The following LUC7L2 variants were observed in gnomAD, a reference collection of about 807,000 sequenced individuals.
LUC7L2 encodes the protein putative RNA-binding protein Luc7-like 2.
In LUC7L2, 25 loss-of-function variants were observed where a neutral mutation model predicts 52.8. The observed-to-expected ratio is 0.47, with a 90% CI of 0.34 to 0.66. The LOEUF (loss-of-function observed/expected upper bound fraction) is 0.66. Ranked by LOEUF, LUC7L2 falls within the 30% of genes least tolerant of loss-of-function variation. LUC7L2 has a pLI of 0.01. For synonymous variants in LUC7L2, 144 were observed against 160.9 expected, an observed-to-expected ratio of 0.89 and a Z score of 0.80; for missense variants, 328 against 497.8, an observed-to-expected ratio of 0.66 and a Z score of 3.25.
chr7:139,400,513 C>G (rs530129179), intron 3 of LUC7L2, among the ~76,000 whole-genome samples: 3 of 152,166 alleles, frequency 2.0e-5, no homozygotes, highest in South Asian at 4.2e-4. Context: ...TCTCAAAACA[C>G]AAACAGAGAA....
At chr7:139,400,857 G>A (rs1489465712) in intron 3 of LUC7L2, among the ~76,000 whole-genome samples, 1 of 152,162 alleles carries the variant, frequency 6.6e-6, no homozygotes, top group African/African-American at 2.4e-5. Flanking sequence ...CTATTTTTAT[G>A]TTATCACAGA....
intron 1 of LUC7L2, among the ~76,000 whole-genome samples, chr7:139,366,490 T>TC (rs11462372): frequency 0.38 from 58,392 of 151,948 alleles, 15,680 homozygotes; most frequent in African/African-American, 0.77. Context: ...ACTTTAATAG[T>TC]TTAATAGTTA....
intron 4 of LUC7L2, among the ~76,000 whole-genome samples, chr7:139,404,361 T>C (rs1795033460): frequency 6.6e-6 from 1 of 152,050 alleles, no homozygotes; most frequent in Admixed American, 6.6e-5. Flanking sequence ...ACTGCAAAAT[T>C]AGCCAGGCAT....
chr7:139,362,988 G>T (rs928023373), intron 1 of LUC7L2, among the ~76,000 whole-genome samples: 3 of 152,146 alleles, frequency 2.0e-5, no homozygotes, highest in African/African-American at 7.2e-5. Context: ...GGTAATTTTG[G>T]ATCACTGGGC....
intron 1 of LUC7L2, 139 bp downstream of exon 1, chr7:139,360,461 G>T (rs1439819239): frequency 1.7e-5 from 12 of 722,638 alleles, no homozygotes; most frequent in Non-Finnish European, 2.7e-5. Context: ...CCCGTCCCCC[G>T]TCCCATCCAA....
chr7:139,393,920 A>C (rs957712488), intron 2 of LUC7L2, among the ~76,000 whole-genome samples: 2 of 152,168 alleles, frequency 1.3e-5, no homozygotes, highest in Non-Finnish European at 2.9e-5. Flanking sequence ...GATATTCCAC[A>C]TACAAAAAAG....
intron 1 of LUC7L2, chr7:139,345,601 A>G: frequency 6.2e-7 from 1 of 1,614,088 alleles, no homozygotes; most frequent in Non-Finnish European, 8.5e-7. Context: ...GTGGCCCTAC[A>G]TCAGGAATTT....
intron 1 of LUC7L2, among the ~76,000 whole-genome samples, chr7:139,365,068 C>T (rs901650449): frequency 3.3e-5 from 5 of 152,160 alleles, no homozygotes; most frequent in African/African-American, 1.2e-4. Context: ...AGTTTCTCTG[C>T]GTTTCAGTTA....
At chr7:139,347,901 A>G (rs1799321491) in intron 1 of LUC7L2, among the ~76,000 whole-genome samples, 1 of 152,020 alleles carries the variant, frequency 6.6e-6, no homozygotes, top group South Asian at 2.1e-4. Flanking sequence ...GGGTTTCACC[A>G]TGTTGGCCAG....
In LUC7L2 at chr7:139,423,173, A is replaced by G. The variant is rs183009949; in HGVS notation, c.*833A>G. ...ATCACCACCACCATTATTAAACTGT[A>G]ACTTGTCTAGTAAATTGTCACTAGA... On this transcript the variant is annotated 3_prime_UTR_variant, in exon 10 of 10. Transcript: ENST00000354926. The G allele has an allele frequency of 3.3e-4, 131 of 399,052 alleles. 1 individual carries two copies. In the East Asian group the frequency reaches 3.7e-3, roughly 11 times the overall value. 24.7% of individuals were successfully genotyped at this position (399,052 alleles called of 1,614,324 possible). A position where few individuals can be genotyped will look rare whatever the true frequency, so the allele number is the denominator to read the frequency against.
chr7:139,366,792 G>A (rs1180250239), intron 1 of LUC7L2, among the ~76,000 whole-genome samples: 2 of 152,072 alleles, frequency 1.3e-5, no homozygotes, highest in Non-Finnish European at 2.9e-5. Flanking sequence ...GCATCACGTC[G>A]TATTGTTAGA....
chr7:139,394,983 C>T (rs1794597853), intron 2 of LUC7L2, among the ~76,000 whole-genome samples: 1 of 152,136 alleles, frequency 6.6e-6, no homozygotes, highest in Non-Finnish European at 1.5e-5. Context: ...GGAATTGGGA[C>T]TGTTTTTTAA....
intron 2 of LUC7L2, among the ~76,000 whole-genome samples, chr7:139,377,645 G>GCCT (rs1800785998): frequency 6.6e-6 from 1 of 152,006 alleles, no homozygotes; most frequent in African/African-American, 2.4e-5. Flanking sequence ...ACCCGCCTTG[G>GCCT]CCTCCCAAAG....
chr7:139,371,301 T>C (rs1308318427), intron 1 of LUC7L2: 5 of 682,010 alleles, frequency 7.3e-6, no homozygotes, highest in Admixed American at 4.6e-5. Flanking sequence ...GAAATAGGAT[T>C]CTGCATACCA....
chr7:139,361,541 A>G (rs1032351673), intron 1 of LUC7L2, among the ~76,000 whole-genome samples: 1 of 152,260 alleles, frequency 6.6e-6, no homozygotes, highest in African/African-American at 2.4e-5. Flanking sequence ...ATAAAAACCC[A>G]TATTGGGAAC....
intron 9 of LUC7L2, among the ~76,000 whole-genome samples, chr7:139,420,947 C>T (rs556842876): frequency 2.0e-5 from 3 of 152,182 alleles, no homozygotes; most frequent in East Asian, 3.9e-4. Context: ...TACAGGCACA[C>T]GCCACCACTC....
intron 1 of LUC7L2, chr7:139,345,828 T>G (rs1053379970): frequency 2.8e-5 from 29 of 1,050,952 alleles, no homozygotes; most frequent in Admixed American, 3.2e-5. Flanking sequence ...TACTAGTTCT[T>G]AGGGGAATTA....
At chr7:139,363,539 A>G (rs1048477858) in intron 1 of LUC7L2, among the ~76,000 whole-genome samples, 1 of 152,226 alleles carries the variant, frequency 6.6e-6, no homozygotes, top group Admixed American at 6.5e-5. Context: ...ATACTCAGAA[A>G]TGTTGAAAAA....
rs1007898249 is a variant in LUC7L2 at position 139,382,278 on chromosome 7, G to A, written c.156+6122G>A. On this transcript the variant is annotated intron_variant, in intron 2 of 9. Transcript: ENST00000354926. ...GACCTCAAGTGATCTGCCTGCCTAA[G>A]CCTCCCAAAAAGAACCAATCTTAAA... 2.7e-4 allele frequency among the ~76,000 whole-genome samples: 41 copies of A among 152,152 alleles called. 5 individuals carry two copies. Among genetic ancestry groups the A allele is most frequent in the Admixed American group, 2.3e-3 (35 of 15,272 alleles).
Sources: allele counts gnomAD v4.1 joint callset (sites outside exome capture counted in the v4.1 genomes callset), GRCh38; gene constraint gnomAD v4.1.1; transcripts MANE v1.5; gene names NCBI Gene and HGNC (gene_info 2026-07-23, HGNC 2026-07-21).